SIK3: variants seen among roughly 807,000 people sequenced by gnomAD.
The protein encoded by SIK3 is serine/threonine-protein kinase SIK3.
In SIK3, 28 loss-of-function variants were observed where a neutral mutation model predicts 144.2. The ratio of observed to expected loss-of-function variants is 0.19; its 90% CI spans 0.14 to 0.27. The LOEUF (loss-of-function observed/expected upper bound fraction) is 0.27, where lower values mean the gene tolerates loss of function less well. SIK3 is among the 10% of genes least tolerant of loss of function. The pLI is 1.00. For synonymous variants in SIK3, 686 were observed against 676.3 expected (o/e 1.01, Z -0.22); for missense variants, 1,319 against 1,776.0 (o/e 0.74, Z 4.62).
In SIK3 at chr11:116,875,380, A is replaced by G. The variant is rs1451751502; in HGVS notation, c.1311T>C (p.Ile437=). ...QVQLINPENQ[I]VEPDGTLNLD... is the part of the protein sequence containing the mutation. ...CCCACAGGTTGCTACTTGCCTCCAC[A>G]ATTTGGTTCTCTGGGTTGATCAGCT... Residue 437 remains isoleucine, a synonymous_variant, in exon 10 of 25, where the codon ATT becomes ATC. Coordinates refer to ENST00000445177, the MANE Select transcript of SIK3 (RefSeq NM_001366686.3). The G allele has an allele frequency of 1.9e-6, 3 of 1,614,076 alleles. No individual in the cohort carries two copies. Among genetic ancestry groups the G allele is most frequent in the Non-Finnish European group, 2.5e-6 (3 of 1,180,038 alleles).
At position 117,096,880 on chromosome 11, in the gene SIK3, G is replaced by A. The variant is rs1377528670; in HGVS notation, c.273+1263C>T. On this transcript the variant is annotated intron_variant, in intron 1 of 24. Coordinates refer to ENST00000445177, the MANE Select transcript of SIK3 (RefSeq NM_001366686.3). Reference sequence around the variant, plus strand: ...TCATGACAACCAGAGGCTAGGCTGAGGAGGTGAGGGGAATTGATGTGGCTT... The same window carrying A: ...TCATGACAACCAGAGGCTAGGCTGAAGAGGTGAGGGGAATTGATGTGGCTT... Among the ~76,000 whole-genome samples, 5 of 152,188 alleles carry A rather than the reference G, an allele frequency of 3.3e-5. No homozygotes were observed. In the East Asian group the frequency reaches 7.7e-4, roughly 23 times the overall value.
Position 117,018,721 on chromosome 11 carries a change from T to A in SIK3, c.274-61657A>T, listed in dbSNP as rs556567778. On this transcript the variant is annotated intron_variant, in intron 1 of 24. Transcript: ENST00000445177. The stretch of plus-strand genomic sequence containing the variant: ...CATTGTTTTTATTTTATTTTATTTA[T>A]TTTTTTTTTTTGAAACAGTTTCACT... Among the ~76,000 whole-genome samples, 789 of 143,936 alleles carry A rather than the reference T, an allele frequency of 5.5e-3. 8 individuals carry two copies. The highest frequency in any genetic ancestry group is 0.018 in the Middle Eastern group (5 of 282). The allele number at this position is 143,936 out of a possible 152,430, so 94.4% of individuals were successfully genotyped here.
chr11:116,871,287 TACAAA>T (rs10658918), intron 13 of SIK3, among the ~76,000 whole-genome samples: 7 of 152,050 alleles, frequency 4.6e-5, no homozygotes, highest in South Asian at 2.1e-4. Context: ...AATGGCTAAT[TACAAA>T]ACAAAACAAA....
chr11:117,044,151 C>T (rs1378550989), intron 1 of SIK3, among the ~76,000 whole-genome samples: 1 of 152,152 alleles, frequency 6.6e-6, no homozygotes. Context: ...TTCATGTTTA[C>T]ATAATAAATA....
rs1183294873 is a variant in SIK3, at chr11:116,844,637, ATAT to A, written c.*1003_*1005del. 1.1e-4 allele frequency: 9 copies of A among 84,056 alleles called. No individual in the cohort carries two copies. The highest frequency in any genetic ancestry group is 4.9e-4 in the African/African-American group (4 of 8,138). 5.2% of individuals were successfully genotyped at this position (84,056 alleles called of 1,614,324 possible). On this transcript the variant is annotated 3_prime_UTR_variant, in exon 25 of 25. Transcript: ENST00000445177. ...ATATATAATATATATATAATATATT[ATAT>A]TATATATTATATATATAATATATAT... is the stretch of plus-strand genomic sequence containing the variant.
chr11:116,861,464 T>C (rs1281385967), intron 18 of SIK3, 81 bp from the exon 19 acceptor site: 15 of 1,053,870 alleles, frequency 1.4e-5, no homozygotes, highest in Non-Finnish European at 2.0e-5. Flanking sequence ...ACAACATATA[T>C]CAGTGGAAAC....
At chr11:117,045,984 GA>G (rs1194277854) in intron 1 of SIK3, among the ~76,000 whole-genome samples, 3 of 152,214 alleles carry the variant, frequency 2.0e-5, no homozygotes, top group Non-Finnish European at 4.4e-5. Flanking sequence ...CTCAGGATGA[GA>G]ATTAGGGTGT....
At position 116,903,757 on chromosome 11, in the gene SIK3, A is replaced by T. The variant is rs182012261; in HGVS notation, c.617-6440T>A. Among the ~76,000 whole-genome samples the T allele has an allele frequency of 1.7e-3, 263 of 152,076 alleles. 1 individual carries two copies. The highest frequency in any genetic ancestry group is 6.8e-3 in the Middle Eastern group (2 of 294). On this transcript the variant is annotated intron_variant, in intron 4 of 24. Transcript: ENST00000445177. The stretch of plus-strand genomic sequence containing the variant: ...CCACCATGCCTAGCTATTTAAAAAA[A>T]ATTTTTTTGTAGTGATGGGGGTCTT...
chr11:116,874,352 C>CT (rs1227501757), intron 11 of SIK3, among the ~76,000 whole-genome samples: 1 of 152,184 alleles, frequency 6.6e-6, no homozygotes, highest in Non-Finnish European at 1.5e-5. Flanking sequence ...TTTTCAAATC[C>CT]TGGAGGTGAA....
rs1952463738 is a variant in SIK3, at chr11:117,035,679, A to G, written c.273+62464T>C. Reference sequence around the variant, plus strand: ...AAGCGATCCTCCCACCTTAGCCTCCAGAGTAGCTGGGACTACAGGTGCATG... The same window carrying G: ...AAGCGATCCTCCCACCTTAGCCTCCGGAGTAGCTGGGACTACAGGTGCATG... On this transcript the variant is annotated intron_variant, in intron 1 of 24. Transcript: ENST00000445177. 1.4e-5 allele frequency: 10 copies of G among 702,220 alleles called. No homozygotes were observed. The South Asian group carries it at 1.8e-4, about 12-fold the overall frequency. 43.5% of individuals were successfully genotyped at this position (702,220 alleles called of 1,614,324 possible).
At chr11:116,911,428 A>C (rs1946337614) in intron 4 of SIK3, among the ~76,000 whole-genome samples, 1 of 151,612 alleles carries the variant, frequency 6.6e-6, no homozygotes, top group Non-Finnish European at 1.5e-5. Context: ...AACTGCTTGA[A>C]CCCGGGAGGC....
At chr11:116,904,475 CT>C (rs1254495830) in intron 4 of SIK3, among the ~76,000 whole-genome samples, 1 of 150,986 alleles carries the variant, frequency 6.6e-6, no homozygotes, top group African/African-American at 2.4e-5. Context: ...TTTTTCTTTC[CT>C]TTTTTTTTCC....
intron 1 of SIK3, among the ~76,000 whole-genome samples, chr11:117,055,885 G>C (rs1481750243): frequency 6.6e-6 from 1 of 152,186 alleles, no homozygotes; most frequent in Admixed American, 6.5e-5. Flanking sequence ...AGCATTCAAG[G>C]CATCGTCTAA....
At chr11:117,049,933 C>T (rs1591610249) in intron 1 of SIK3, among the ~76,000 whole-genome samples, 1 of 149,016 alleles carries the variant, frequency 6.7e-6, no homozygotes, top group East Asian at 1.9e-4. Flanking sequence ...GCACTCCAGC[C>T]TGGGCGTCTG....
intron 1 of SIK3, among the ~76,000 whole-genome samples, chr11:116,974,687 A>G (rs1591459706): frequency 6.6e-6 from 1 of 152,262 alleles, no homozygotes; most frequent in South Asian, 2.1e-4. Context: ...AAGCCACCGT[A>G]CCTGGCCTTG....
At chr11:116,868,957 C>T (rs1319302857) in intron 14 of SIK3, 1 of 152,024 alleles carries the variant, frequency 6.6e-6, no homozygotes, top group Non-Finnish European at 1.5e-5. Context: ...TTTTTTATTA[C>T]ATCAAAACTG....
At position 117,060,804 on chromosome 11, in the gene SIK3, A is replaced by G. The variant is rs544601233; in HGVS notation, c.273+37339T>C. The stretch of plus-strand genomic sequence containing the variant: ...GTAAACTATGAATTTTAGTTAATGT[A>G]CCAATATTGCTCATCAATTGTAGCA... On this transcript the variant is annotated intron_variant, in intron 1 of 24. Transcript: ENST00000445177. Among the ~76,000 whole-genome samples the G allele has an allele frequency of 3.3e-5, 5 of 152,326 alleles. No individual in the cohort carries two copies. In the South Asian group the frequency reaches 1.0e-3, roughly 32 times the overall value.
chr11:116,876,900 C>T (rs1944286870), intron 7 of SIK3, 24 bp downstream of exon 7: 1 of 1,599,698 alleles, frequency 6.3e-7, no homozygotes, highest in African/African-American at 1.3e-5. Flanking sequence ...GAGGAGTCCC[C>T]TGCAGCAGCG....
At chr11:116,860,197 T>C (rs1943240424) in intron 19 of SIK3, among the ~76,000 whole-genome samples, 1 of 149,940 alleles carries the variant, frequency 6.7e-6, no homozygotes, top group African/African-American at 2.5e-5. Flanking sequence ...TGAGCCGAGA[T>C]CATACCACTG....
Sources: gnomAD v4.1 joint callset for allele counts (sites outside exome capture counted in the v4.1 genomes callset) on GRCh38, gnomAD v4.1.1 for gene constraint, MANE v1.5 for transcripts, NCBI Gene and HGNC (gene_info 2026-07-23, HGNC 2026-07-21) for gene names.